Variants in HCRTR2 observed in about 807,000 individuals in gnomAD.
HCRTR2 encodes orexin receptor type 2.
In HCRTR2, 22 loss-of-function variants were observed where a neutral mutation model predicts 49.0. That is an observed-to-expected ratio of 0.45 (90% CI 0.32 to 0.64). HCRTR2 has a LOEUF of 0.64. Ranked by LOEUF, HCRTR2 falls within the 30% of genes least tolerant of loss-of-function variation. The pLI is 0.04. For missense variants in HCRTR2, 491 were observed against 559.4 expected, an observed-to-expected ratio of 0.88 and a Z score of 1.23; for synonymous variants, 236 against 205.3, an observed-to-expected ratio of 1.15 and a Z score of -1.28.
intron 1 of HCRTR2, among the ~76,000 whole-genome samples, chr6:55,229,032 G>A: frequency 6.6e-6 from 1 of 152,074 alleles, no homozygotes; most frequent in East Asian, 1.9e-4. Flanking sequence ...ATGGTGGGAT[G>A]TTAAAAGGAG....
At chr6:55,110,364 T>TACTATTCTCTCAATACTA (rs2127610482) in intron 1 of HCRTR2, among the ~76,000 whole-genome samples, 1 of 152,120 alleles carries the variant, frequency 6.6e-6, no homozygotes, top group South Asian at 2.1e-4. Context: ...AATAGAATAA[T>TACTATTCTCTCAATACTA]ACCTCACCTC....
intron 1 of HCRTR2, among the ~76,000 whole-genome samples, chr6:55,241,324 A>T (rs1766328468): frequency 6.6e-6 from 1 of 152,126 alleles, no homozygotes; most frequent in South Asian, 2.1e-4. Context: ...ACTCAGTTCT[A>T]CATTATAAAA....
At chr6:55,178,479 C>T (rs2127271368) in intron 1 of HCRTR2, among the ~76,000 whole-genome samples, 1 of 152,180 alleles carries the variant, frequency 6.6e-6, no homozygotes, top group East Asian at 1.9e-4. Flanking sequence ...TGTACGTATA[C>T]CCTCTATAAA....
At chr6:55,233,382 C>T (rs995412855) in intron 1 of HCRTR2, among the ~76,000 whole-genome samples, 1 of 152,198 alleles carries the variant, frequency 6.6e-6, no homozygotes, top group African/African-American at 2.4e-5. Flanking sequence ...TGAGCCACCA[C>T]GCATGGCCAA....
At chr6:55,257,708 T>C (rs1391469182) in intron 3 of HCRTR2, among the ~76,000 whole-genome samples, 1 of 151,884 alleles carries the variant, frequency 6.6e-6, no homozygotes, top group Non-Finnish European at 1.5e-5. Flanking sequence ...TACATAACTC[T>C]AGCATGGACA....
chr6:55,107,664 G>C (rs545752230), intron 1 of HCRTR2, among the ~76,000 whole-genome samples: 2 of 151,684 alleles, frequency 1.3e-5, no homozygotes, highest in East Asian at 3.9e-4. Flanking sequence ...CAAAATGTTT[G>C]ACTTGCTTCA....
At chr6:55,233,997 T>C (rs1176876234) in intron 1 of HCRTR2, among the ~76,000 whole-genome samples, 1 of 152,198 alleles carries the variant, frequency 6.6e-6, no homozygotes, top group Non-Finnish European at 1.5e-5. Context: ...CATCAGTCTC[T>C]AGATTAGGTG....
In HCRTR2 at chr6:55,160,618, C is replaced by G. The variant is rs182399628; in HGVS notation, c.-377-13593C>G. Among the ~76,000 whole-genome samples the G allele has an allele frequency of 1.4e-4, 21 of 151,822 alleles. No homozygotes were observed. In the East Asian group the frequency reaches 2.3e-3, roughly 17 times the overall value. ...TCATGTGCAAAGATACATATAGGCT[C>G]GAAATAAAGGGATGGAGGAATATTT... On this transcript the variant is annotated intron_variant, in intron 1 of 7. Coordinates refer to the HCRTR2 transcript ENST00000615358.
chr6:55,129,214 C>A (rs1345046788), intron 1 of HCRTR2, among the ~76,000 whole-genome samples: 2 of 152,060 alleles, frequency 1.3e-5, no homozygotes, highest in Non-Finnish European at 2.9e-5. Flanking sequence ...CCAGCTCAAA[C>A]CTTGTTCTAA....
chr6:55,283,805 A>G (rs1487524121), downstream of HCRTR2, among the ~76,000 whole-genome samples: 1 of 152,116 alleles, frequency 6.6e-6, no homozygotes, highest in Non-Finnish European at 1.5e-5. Flanking sequence ...TTATTTTTTC[A>G]TTTTTCCATT....
At chr6:55,226,395 G>A (rs953758862) in intron 1 of HCRTR2, among the ~76,000 whole-genome samples, 4 of 152,040 alleles carry the variant, frequency 2.6e-5, no homozygotes, top group Middle Eastern at 3.2e-3. Context: ...TGCAACCTCC[G>A]ACTCCCAAGT....
chr6:55,206,544 T>G (rs1469745288), intron 1 of HCRTR2, among the ~76,000 whole-genome samples: 3 of 113,742 alleles, frequency 2.6e-5, no homozygotes. Flanking sequence ...TTATTTTGAT[T>G]TTTTTTTATG....
chr6:55,121,033 C>G (rs539532776), intron 1 of HCRTR2, among the ~76,000 whole-genome samples: 3,003 of 150,482 alleles, frequency 0.02, 43 homozygotes, highest in Non-Finnish European at 0.034. Context: ...TAGCTTGATG[C>G]GGATGGCATT....
intron 1 of HCRTR2, among the ~76,000 whole-genome samples, chr6:55,120,567 G>A (rs1229339581): frequency 6.8e-6 from 1 of 146,862 alleles, no homozygotes. Context: ...TGTTATTGTT[G>A]TATAGGAATG....
chr6:55,266,112 A>G (rs778426183), intron 4 of HCRTR2, among the ~76,000 whole-genome samples: 24 of 152,180 alleles, frequency 1.6e-4, no homozygotes, highest in Non-Finnish European at 3.4e-4. Flanking sequence ...CTAAATATAG[A>G]CAGTGCTCAT....
At chr6:55,191,918 C>T (rs541185193) in intron 1 of HCRTR2, among the ~76,000 whole-genome samples, 56 of 152,028 alleles carry the variant, frequency 3.7e-4, no homozygotes, top group Admixed American at 4.6e-4. Flanking sequence ...AATATTCTAC[C>T]TTCAAAGAAT....
At chr6:55,141,266 C>T (rs546200430) in intron 1 of HCRTR2, among the ~76,000 whole-genome samples, 93 of 152,088 alleles carry the variant, frequency 6.1e-4, no homozygotes, top group African/African-American at 2.2e-3. Flanking sequence ...AATGCGTGAA[C>T]CCAGGAGGCA....
At chr6:55,119,782 C>T (rs1246099471) in intron 1 of HCRTR2, among the ~76,000 whole-genome samples, 2 of 152,064 alleles carry the variant, frequency 1.3e-5, no homozygotes, top group African/African-American at 4.8e-5. Flanking sequence ...AATTACATCC[C>T]ATTTGTCAAT....
At chr6:55,260,758 A>G (rs956827474) in intron 3 of HCRTR2, among the ~76,000 whole-genome samples, 1 of 152,188 alleles carries the variant, frequency 6.6e-6, no homozygotes, top group Non-Finnish European at 1.5e-5. Context: ...TTAAACTCAT[A>G]AATATGTTAA....
Sources: gnomAD v4.1 joint callset for allele counts (sites outside exome capture counted in the v4.1 genomes callset) on GRCh38, gnomAD v4.1.1 for gene constraint, MANE v1.5 for transcripts, NCBI Gene and HGNC (gene_info 2026-07-23, HGNC 2026-07-21) for gene names.